COL18A1: variants seen among roughly 807,000 people sequenced by gnomAD.
The protein encoded by COL18A1 is collagen type XVIII alpha 1 chain.
A neutral mutation model predicts 168.0 loss-of-function variants in COL18A1; 133 were observed. That is an observed-to-expected ratio of 0.79 (90% CI 0.69 to 0.91). The LOEUF (loss-of-function observed/expected upper bound fraction) is 0.91. Among genes scored for constraint, COL18A1 ranks in the 40% least tolerant of loss-of-function variants. The pLI is 0.00. For missense variants in COL18A1, 2,126 were observed against 1,925.4 expected (o/e 1.10, Z -1.95); for synonymous variants, 949 against 809.0 (o/e 1.17, Z -2.94).
At chr21:45,506,167 G>C (rs995939238) in intron 37 of COL18A1, 3 of 718,238 alleles carry the variant, frequency 4.2e-6, no homozygotes, top group Non-Finnish European at 6.9e-6. Flanking sequence ...GTGAGCTCAA[G>C]CTTCTGAAAG....
At chr21:45,489,694 G>C (rs2036231325) in intron 19 of COL18A1, among the ~76,000 whole-genome samples, 173 bp downstream of exon 19, 1 of 151,854 alleles carries the variant, frequency 6.6e-6, no homozygotes, top group Non-Finnish European at 1.5e-5. Flanking sequence ...ATACCCACCT[G>C]CAGGGCACCC....
chr21:45,467,344 G>A, intron 2 of COL18A1: 11 of 985,466 alleles, frequency 1.1e-5, no homozygotes, highest in Non-Finnish European at 1.3e-5. Context: ...GCAGGAATGA[G>A]TGGAGTGAGT....
chr21:45,509,740 AG>A, intron 39 of COL18A1, 139 bp downstream of exon 39: 1 of 708,316 alleles, frequency 1.4e-6, no homozygotes, highest in East Asian at 2.7e-5. Flanking sequence ...AGGGCCACTC[AG>A]GGCGGCTTGG....
chr21:45,513,546 C>CA lies in COL18A1; in HGVS notation c.*1148_*1149insA, dbSNP rs78063943. 3.3e-5 allele frequency: 5 copies of CA among 151,932 alleles called. No homozygotes were observed. In the South Asian group the frequency reaches 6.2e-4, roughly 19 times the overall value. The allele number at this position is 151,932 out of a possible 1,614,324, so 9.4% of individuals were successfully genotyped here. The stretch of plus-strand genomic sequence containing the variant: ...CCCCTGAGATCCGGCAACATCAACC[C>CA]GAGTCATTCGTTCTGTGGAGGGACA... On this transcript the variant is annotated 3_prime_UTR_variant, in exon 42 of 42. Coordinates refer to ENST00000651438, the MANE Select transcript of COL18A1 (RefSeq NM_001379500.1).
intron 4 of COL18A1, among the ~76,000 whole-genome samples, chr21:45,474,299 GGTGT>G (rs1433003035): frequency 6.6e-6 from 1 of 151,642 alleles, no homozygotes; most frequent in Non-Finnish European, 1.5e-5. Context: ...TGTCTTGTGT[GGTGT>G]GTCTCTGTGG....
intron 2 of COL18A1, 29 bp downstream of exon 2, chr21:45,405,502 G>A: frequency 7.8e-7 from 1 of 1,285,902 alleles, no homozygotes; most frequent in Non-Finnish European, 1.0e-6. Flanking sequence ...GGGAAGGTTC[G>A]CGCCGGTGCC....
At chr21:45,491,699 G>A (rs534968955) in intron 22 of COL18A1, among the ~76,000 whole-genome samples, 9 of 152,312 alleles carry the variant, frequency 5.9e-5, no homozygotes, top group East Asian at 1.9e-4. Context: ...TGTTGGTTCC[G>A]GAACCTTCCT....
chr21:45,501,357 C>T (rs2036812642), intron 32 of COL18A1, among the ~76,000 whole-genome samples: 1 of 152,076 alleles, frequency 6.6e-6, no homozygotes, highest in Non-Finnish European at 1.5e-5. Context: ...CAGGCGTCAC[C>T]TGCGAAGGTC....
chr21:45,433,643 G>T (rs2034025070), intron 2 of COL18A1, among the ~76,000 whole-genome samples: 1 of 152,244 alleles, frequency 6.6e-6, no homozygotes, highest in Non-Finnish European at 1.5e-5. Flanking sequence ...ACCCCTGGGG[G>T]AGATGAGCTG....
Position 45,494,803 on chromosome 21 carries a change from C to A in COL18A1, c.2380-59C>A, listed in dbSNP as rs1384634100. On this transcript the variant is annotated intron_variant, in intron 27 of 41. Transcript: ENST00000651438. ...GCCCCTCCCCTTCCCCAGGACCCCC[C>A]AACTCGTGGTCAAGGGCCAGGGTCT... The A allele has an allele frequency of 2.7e-6, 4 of 1,501,922 alleles. No individual in the cohort carries two copies. In the East Asian group the frequency reaches 7.2e-5, roughly 27 times the overall value. The allele number at this position is 1,501,922 out of a possible 1,614,324, so 93.0% of individuals were successfully genotyped here. A position where few individuals can be genotyped will look rare whatever the true frequency, so the allele number is the denominator to read the frequency against.
At chr21:45,482,130 A>G (rs1451675993) in intron 14 of COL18A1, 105 bp downstream of exon 14, 10 of 872,008 alleles carry the variant, frequency 1.1e-5, no homozygotes, top group Non-Finnish European at 1.7e-5. Context: ...TGCCAGGAAT[A>G]GCCCCCCATC....
chr21:45,428,118 G>A (rs981596838), intron 2 of COL18A1, among the ~76,000 whole-genome samples: 3 of 152,326 alleles, frequency 2.0e-5, no homozygotes, highest in South Asian at 2.1e-4. Context: ...TGGGCAGCTC[G>A]AGTGTGCATC....
intron 5 of COL18A1, among the ~76,000 whole-genome samples, chr21:45,476,132 C>T (rs568408987): frequency 1.2e-3 from 179 of 144,382 alleles, no homozygotes; most frequent in Non-Finnish European, 2.1e-3. Flanking sequence ...ACGGCAGGCG[C>T]GGTCCTGGGT....
At chr21:45,476,025 G>C (rs2035636014) in intron 5 of COL18A1, among the ~76,000 whole-genome samples, 1 of 152,224 alleles carries the variant, frequency 6.6e-6, no homozygotes. Context: ...CTGTCCGTGA[G>C]AGACGGGTGC....
In COL18A1 at chr21:45,407,389, C is replaced by CT. The variant is rs1359506837; in HGVS notation, c.106+1922dup. 9.2e-5 allele frequency: 14 copies of CT among 152,352 alleles called. 3 individuals carry two copies. Among genetic ancestry groups the CT allele is most frequent in the South Asian group, 4.1e-4 (2 of 4,826 alleles). The allele number at this position is 152,352 out of a possible 1,614,324, so 9.4% of individuals were successfully genotyped here. A position where few individuals can be genotyped will look rare whatever the true frequency, so the allele number is the denominator to read the frequency against. ...ACTTGATCCCTAGAAAAGTCTTTTG[C>CT]TTTTTTGTGTCAGGATTGGTCGCTG... On this transcript the variant is annotated intron_variant, in intron 2 of 41. Transcript: ENST00000651438.
intron 2 of COL18A1, among the ~76,000 whole-genome samples, chr21:45,437,474 T>C (rs2034175360): frequency 1.4e-5 from 1 of 71,116 alleles, no homozygotes; most frequent in Non-Finnish European, 2.5e-5. Flanking sequence ...ACAGGCACTC[T>C]CCTGCACACA....
chr21:45,482,024 T>G lies in COL18A1; in HGVS notation c.1673T>G (p.Leu558Arg), dbSNP rs752965156. ...GGAAGGACTGGGCAGAAAGGCAGCC[T>G]GGTAAGTCTTCCCTCGAGTCCAGGG... ...PPGRTGQKGS[L>R]GEAGAPGHKG... The change falls in exon 14 of 42, where the codon CTG (leucine) becomes CGG (arginine). Residue 558 changes from leucine to arginine, a missense_variant and splice_region_variant. Coordinates refer to ENST00000651438, the MANE Select transcript of COL18A1 (RefSeq NM_001379500.1). 1 of 1,612,802 alleles carries G rather than the reference T, an allele frequency of 6.2e-7. No homozygotes were observed. Among genetic ancestry groups the G allele is most frequent in the Non-Finnish European group, 8.5e-7 (1 of 1,179,026 alleles).
rs766882232 is a variant in COL18A1, at chr21:45,510,095, CA to C, written c.3528del (p.Gly1177AlafsTer74). 6.3e-7 allele frequency: 1 copy of C among 1,587,966 alleles called. No homozygotes were observed. Among genetic ancestry groups the C allele is most frequent in the Non-Finnish European group, 8.5e-7 (1 of 1,170,064 alleles). ...CTGGTTGCGCTCAACAGCCCCCTGT[CA>C]GGCGGCATGCGGGGCATCCGCGGGG... ...LHLVALNSPLSGGMRGIRGAD... is the reference protein window; with the variant it reads ...LHLVALNSPLXGGMRGIRGAD... On this transcript the variant is annotated frameshift_variant, in exon 40 of 42. Coordinates refer to ENST00000651438, the MANE Select transcript of COL18A1 (RefSeq NM_001379500.1). LOFTEE classifies it high-confidence loss of function.
chr21:45,426,523 TC>T (rs925078783), intron 2 of COL18A1, among the ~76,000 whole-genome samples: 8 of 151,468 alleles, frequency 5.3e-5, no homozygotes, highest in Non-Finnish European at 8.8e-5. Flanking sequence ...CCTGCAGCGC[TC>T]CCCCATCACG....
Sources: allele counts gnomAD v4.1 joint callset (sites outside exome capture counted in the v4.1 genomes callset), GRCh38; gene constraint gnomAD v4.1.1; transcripts MANE v1.5; gene names NCBI Gene and HGNC (gene_info 2026-07-23, HGNC 2026-07-21).